SLCO4A1: variants seen among roughly 807,000 people sequenced by gnomAD.
SLCO4A1 encodes the protein solute carrier organic anion transporter family member 4A1, also known as colon organic anion transporter.
A neutral mutation model predicts 64.6 loss-of-function variants in SLCO4A1; 51 were observed. That is an observed-to-expected ratio of 0.79 (90% CI 0.63 to 1.00). SLCO4A1 has a LOEUF of 1.00. Ranked by LOEUF, SLCO4A1 falls within the 50% of genes least tolerant of loss-of-function variation. The pLI is 0.00. For missense variants in SLCO4A1, 919 were observed against 980.5 expected (o/e 0.94, Z 0.84); for synonymous variants, 471 against 444.9 (o/e 1.06, Z -0.74).
chr20:62,687,189 C>A (rs1369469040), downstream of SLCO4A1, among the ~76,000 whole-genome samples: 1 of 151,714 alleles, frequency 6.6e-6, no homozygotes, highest in Non-Finnish European at 1.5e-5. Context: ...CAAACAGGAG[C>A]GATGGAAAGG....
chr20:62,662,501 T>A (rs957700731), intron 5 of SLCO4A1, among the ~76,000 whole-genome samples: 5 of 152,184 alleles, frequency 3.3e-5, no homozygotes, highest in Admixed American at 6.5e-5. Flanking sequence ...CAGGGTTAGT[T>A]CCCTAAACCA....
Position 62,657,268 on chromosome 20 carries a change from G to A in SLCO4A1, c.796+18G>A, listed in dbSNP as rs929042388. The A allele has an allele frequency of 6.7e-7, 1 of 1,503,156 alleles. No individual in the cohort carries two copies. The highest frequency in any genetic ancestry group is 1.4e-5 in the African/African-American group (1 of 72,432). 93.1% of individuals were successfully genotyped at this position (1,503,156 alleles called of 1,614,324 possible). A position where few individuals can be genotyped will look rare whatever the true frequency, so the allele number is the denominator to read the frequency against. On this transcript the variant is annotated intron_variant, in intron 2 of 11. Coordinates refer to ENST00000217159, the MANE Select transcript of SLCO4A1 (RefSeq NM_016354.4). ...CTACATTGGTGAGTGGGGCTGGCGG[G>A]GTAAGTGCTGGCAGGGGTGGCTGAG... is the stretch of plus-strand genomic sequence containing the variant.
At chr20:62,664,881 C>G in intron 5 of SLCO4A1, 53 bp from the exon 6 acceptor site, 1 of 1,527,078 alleles carries the variant, frequency 6.5e-7, no homozygotes, top group Non-Finnish European at 8.8e-7. Flanking sequence ...ACCCCGACCT[C>G]TGCCCACCAC....
At chr20:62,689,330 C>T (rs1041571393), downstream of SLCO4A1, among the ~76,000 whole-genome samples, 1 of 148,688 alleles carries the variant, frequency 6.7e-6, no homozygotes, top group African/African-American at 2.5e-5. Context: ...CCCCGTGCCT[C>T]GCAGGCCTGT....
In SLCO4A1 at chr20:62,666,513, C is replaced by G. The variant is rs777179045; in HGVS notation, c.1410C>G (p.Leu470=). 1 of 1,613,476 alleles carries G rather than the reference C, an allele frequency of 6.2e-7. No individual in the cohort carries two copies. The highest frequency in any genetic ancestry group is 2.2e-5 in the East Asian group (1 of 44,874). ...CCGTTGTCAGCCTGCTGGGCATCCTCGTCTTCTCACTGCACTGCCCCAGTG... is the reference window on the plus strand; with the variant it reads ...CCGTTGTCAGCCTGCTGGGCATCCTGGTCTTCTCACTGCACTGCCCCAGTG... ...FCTVVSLLGI[L]VFSLHCPSVP... The change falls in exon 7 of 12, where the codon CTC becomes CTG. Residue 470 remains leucine, a synonymous_variant. Coordinates refer to ENST00000217159, the MANE Select transcript of SLCO4A1 (RefSeq NM_016354.4).
At chr20:62,674,849 G>A (rs184308296), downstream of SLCO4A1, among the ~76,000 whole-genome samples, 213 of 152,340 alleles carry the variant, frequency 1.4e-3, no homozygotes, top group African/African-American at 4.4e-3. Context: ...ACGACTAGAA[G>A]ACAGCCGTCT....
At chr20:62,643,366 C>G (rs1980748915) in intron 1 of SLCO4A1, 1 of 181,100 alleles carries the variant, frequency 5.5e-6, no homozygotes, top group Non-Finnish European at 1.2e-5. Context: ...GCAGATCTGA[C>G]TTCCACTTCC....
intron 1 of SLCO4A1, chr20:62,650,843 A>G (rs1982352151): frequency 6.6e-6 from 1 of 152,240 alleles, no homozygotes; most frequent in Non-Finnish European, 1.5e-5. Context: ...TAAGTCCTGC[A>G]CCGCACGTTC....
At position 62,661,287 on chromosome 20, in the gene SLCO4A1, C is replaced by T; in HGVS notation, c.1121+112C>T. ...ATCATGATGGGGACGCAGCCCCTAA[C>T]CTCTGTCGTGACCCTGGGCCAAGAG... On this transcript the variant is annotated intron_variant, in intron 5 of 11. Coordinates refer to ENST00000217159, the MANE Select transcript of SLCO4A1 (RefSeq NM_016354.4). This position sits in a 1 kb window ranked among gnomAD's most constrained non-coding sequence, Gnocchi z 5.2. 1 of 750,238 alleles carries T rather than the reference C, an allele frequency of 1.3e-6. No individual in the cohort carries two copies. Among genetic ancestry groups the T allele is most frequent in the Admixed American group, 2.1e-5 (1 of 48,622 alleles). The allele number at this position is 750,238 out of a possible 1,614,324, so 46.5% of individuals were successfully genotyped here.
chr20:62,688,565 G>A (rs886433183), downstream of SLCO4A1, among the ~76,000 whole-genome samples: 4 of 152,258 alleles, frequency 2.6e-5, no homozygotes, highest in Non-Finnish European at 4.4e-5. Flanking sequence ...GTGAGTAAGA[G>A]CAGCAGCTCA....
At chr20:62,687,141 G>GAGGCACCCCCAAACAGGAGCGATGGAAA (rs1988090333), downstream of SLCO4A1, among the ~76,000 whole-genome samples, 1 of 113,006 alleles carries the variant, frequency 8.8e-6, no homozygotes, top group African/African-American at 4.1e-5. Context: ...CACGATGGGT[G>GAGGCACCCCCAAACAGGAGCGATGGAAA]GGGCACCCCC....
chr20:62,657,030 C>G lies in SLCO4A1; in HGVS notation c.576C>G (p.Phe192Leu), dbSNP rs563762322. 6.3e-7 allele frequency: 1 copy of G among 1,590,356 alleles called. No individual in the cohort carries two copies. The highest frequency in any genetic ancestry group is 2.3e-5 in the East Asian group (1 of 44,372). Residue 192 changes from phenylalanine (F) to leucine (L), a missense_variant, in exon 2 of 12, where the codon TTC becomes TTG. Transcript: ENST00000217159. ...TGSLVFALPH[F>L]TAGRYEVELD... ...CGCTGGTGTTCGCGCTGCCCCACTT[C>G]ACGGCTGGCCGCTATGAGGTGGAGT...
At position 62,644,456 on chromosome 20, in the gene SLCO4A1, C is replaced by T. The variant is rs902591488; in HGVS notation, c.-97+1903C>T. Among the ~76,000 whole-genome samples the T allele has an allele frequency of 2.0e-4, 31 of 152,238 alleles. No homozygotes were observed. The highest frequency in any genetic ancestry group is 3.3e-4 in the Admixed American group (5 of 15,292). On this transcript the variant is annotated intron_variant, in intron 1 of 11. Transcript: ENST00000217159. The surrounding 1 kb of genome is among the most constrained non-coding windows in gnomAD (Gnocchi z 5.4). ...CCCATGGTGGAGAGCTGGCTGGGCA[C>T]GTGGCAGGCAGGGCAGGCTGGGCCA...
rs116270997 is a variant in SLCO4A1, at chr20:62,643,848, G to A, written c.-97+1295G>A. Among the ~76,000 whole-genome samples the A allele has an allele frequency of 7.1e-3, 1,084 of 152,276 alleles. 13 individuals carry two copies. Among genetic ancestry groups the A allele is most frequent in the African/African-American group, 0.023 (970 of 41,534 alleles). ...GCATGGTACCCCTGCTTTGAGCATCGTCTCATTCAGTCCCTAGCAACCCCA... is the reference window on the plus strand; with the variant it reads ...GCATGGTACCCCTGCTTTGAGCATCATCTCATTCAGTCCCTAGCAACCCCA... On this transcript the variant is annotated intron_variant, in intron 1 of 11. Coordinates refer to ENST00000217159, the MANE Select transcript of SLCO4A1 (RefSeq NM_016354.4).
chr20:62,658,789 T>C (rs770395932), intron 3 of SLCO4A1, 22 bp downstream of exon 3: 3 of 1,561,848 alleles, frequency 1.9e-6, no homozygotes, highest in South Asian at 2.3e-5. Context: ...CGCACCCAGC[T>C]GCCTGCGCTG....
At chr20:62,679,412 A>T (rs970089310) in intron 2 of SLCO4A1, among the ~76,000 whole-genome samples, 6 of 150,858 alleles carry the variant, frequency 4.0e-5, no homozygotes, top group Admixed American at 4.0e-4. Context: ...CCCAGCTTGG[A>T]GTGCAGTGGT....
In SLCO4A1 at chr20:62,656,462, T is replaced by A. The variant is rs942382527; in HGVS notation, c.8T>A (p.Leu3Gln). 4.0e-6 allele frequency: 6 copies of A among 1,485,622 alleles called. No homozygotes were observed. The highest frequency in any genetic ancestry group is 5.4e-6 in the Non-Finnish European group (6 of 1,117,528). 92.0% of individuals were successfully genotyped at this position (1,485,622 alleles called of 1,614,324 possible). ...CCAGGCGGAGGCGCGGAGATGCCCC[T>A]GCATCAGCTGGGGGACAAGCCGCTC... MP[L>Q]HQLGDKPLTF... Residue 3 changes from leucine to glutamine, a missense_variant, in exon 2 of 12, where the codon CTG (leucine) becomes CAG (glutamine). Leu to Gln is a moderately radical substitution (Grantham distance 113). Transcript: ENST00000217159.
Position 62,661,490 on chromosome 20 carries a change from G to A in SLCO4A1, c.1121+315G>A, listed in dbSNP as rs1362897691. Among the ~76,000 whole-genome samples, 3 of 152,068 alleles carry A rather than the reference G, an allele frequency of 2.0e-5. No individual in the cohort carries two copies. Among genetic ancestry groups the A allele is most frequent in the East Asian group, 1.9e-4 (1 of 5,172 alleles). ...GCTGCGCCTGGCTCCCAGTGGCCAC[G>A]GAGCAAATCCCTTCCACACCAGCAA... On this transcript the variant is annotated intron_variant, in intron 5 of 11. Transcript: ENST00000217159. The surrounding 1 kb of genome is among the most constrained non-coding windows in gnomAD (Gnocchi z 5.2).
chr20:62,675,732 C>T (rs1020521696), downstream of SLCO4A1, among the ~76,000 whole-genome samples: 2 of 152,230 alleles, frequency 1.3e-5, no homozygotes, highest in African/African-American at 2.4e-5. Context: ...CACGGGCGCA[C>T]CCAGCCTGGT....
Sources: gnomAD v4.1 joint callset for allele counts (sites outside exome capture counted in the v4.1 genomes callset) on GRCh38, gnomAD v4.1.1 for gene constraint, Gnocchi (gnomAD v3.1) non-coding constraint, MANE v1.5 for transcripts, NCBI Gene and HGNC (gene_info 2026-07-23, HGNC 2026-07-21) for gene names.